Variants in AOPEP observed in about 807,000 individuals in gnomAD.
AOPEP encodes aminopeptidase O (putative), also known as aminopeptidase O.
A neutral mutation model predicts 98.1 loss-of-function variants in AOPEP; 77 were observed. The observed-to-expected ratio is 0.78, with a 90% CI of 0.65 to 0.95. The LOEUF (loss-of-function observed/expected upper bound fraction) is 0.95, where lower values mean the gene tolerates loss of function less well. Among genes scored for constraint, AOPEP ranks in the 40% least tolerant of loss-of-function variants. The pLI is 0.00. For missense variants in AOPEP, 1,024 were observed against 1,024.7 expected, an observed-to-expected ratio of 1.00 and a Z score of 0.01; for synonymous variants, 346 against 365.3, an observed-to-expected ratio of 0.95 and a Z score of 0.60.
chr9:94,737,526 AT>A (rs1832051655), intron 1 of AOPEP, among the ~76,000 whole-genome samples: 2 of 152,238 alleles, frequency 1.3e-5, no homozygotes, highest in Admixed American at 6.5e-5. Flanking sequence ...GATATATGGA[AT>A]GTTAAATTAT....
intron 13 of AOPEP, among the ~76,000 whole-genome samples, chr9:95,040,934 T>A (rs2065232358): frequency 6.6e-6 from 1 of 151,778 alleles, no homozygotes; most frequent in African/African-American, 2.4e-5. Context: ...TCCTCAAAGA[T>A]TGTACCTGGA....
intron 7 of AOPEP, among the ~76,000 whole-genome samples, chr9:94,937,053 C>T (rs776844354): frequency 6.6e-5 from 10 of 152,164 alleles, no homozygotes; most frequent in Non-Finnish European, 1.5e-4. Flanking sequence ...AGACATGATT[C>T]GTCAAACCAT....
intron 7 of AOPEP, among the ~76,000 whole-genome samples, chr9:94,936,361 T>A (rs988740417): frequency 6.6e-6 from 1 of 152,168 alleles, no homozygotes; most frequent in African/African-American, 2.4e-5. Flanking sequence ...AGACCCCTCC[T>A]GTGGTAGTCA....
chr9:95,017,156 G>A (rs1007147549), intron 13 of AOPEP, among the ~76,000 whole-genome samples: 1 of 151,996 alleles, frequency 6.6e-6, no homozygotes, highest in African/African-American at 2.4e-5. Context: ...GATCCTATTC[G>A]TATACAAGTG....
At chr9:95,035,118 C>T (rs1029560375) in intron 13 of AOPEP, among the ~76,000 whole-genome samples, 2 of 152,034 alleles carry the variant, frequency 1.3e-5, no homozygotes, top group Admixed American at 6.6e-5. Flanking sequence ...ATCCCTCCCC[C>T]TGTCCCCCAC....
chr9:94,739,314 A>G (rs185748735), intron 1 of AOPEP, among the ~76,000 whole-genome samples: 2 of 152,272 alleles, frequency 1.3e-5, no homozygotes, highest in Admixed American at 1.3e-4. Flanking sequence ...ATAAAGGGCA[A>G]TTTAAAGATT....
At position 95,078,554 on chromosome 9, in the gene AOPEP, G is replaced by A. The variant is rs142462421; in HGVS notation, c.2233-2140G>A. On this transcript the variant is annotated intron_variant, in intron 14 of 16. Coordinates refer to ENST00000375315, the MANE Select transcript of AOPEP (RefSeq NM_001193329.3). ...GGACCCTCCCTAAAAGCTGGCACAC[G>A]TAGGGTTTCTTTTGTGCAGTTAAGA... 1.2e-4 allele frequency among the ~76,000 whole-genome samples: 19 copies of A among 152,292 alleles called. No individual in the cohort carries two copies. The East Asian group carries it at 2.3e-3, about 19-fold the overall frequency.
At chr9:95,013,559 T>C (rs1311334255) in intron 13 of AOPEP, among the ~76,000 whole-genome samples, 1 of 152,202 alleles carries the variant, frequency 6.6e-6, no homozygotes, top group Non-Finnish European at 1.5e-5. Flanking sequence ...CTGTACCCTT[T>C]ATAAAATCAC....
intron 1 of AOPEP, among the ~76,000 whole-genome samples, chr9:94,743,244 G>GGAAGAAGAAGAGGAA (rs1490259253): frequency 2.1e-5 from 2 of 95,742 alleles, no homozygotes; most frequent in East Asian, 6.7e-4. Flanking sequence ...AAGAAGAAGA[G>GGAAGAAGAAGAGGAA]GAAGAAGAGG....
At chr9:95,009,133 G>C (rs1426821466) in intron 13 of AOPEP, among the ~76,000 whole-genome samples, 1 of 152,208 alleles carries the variant, frequency 6.6e-6, no homozygotes, top group East Asian at 1.9e-4. Context: ...GATTGCAACA[G>C]TGGATTTTAT....
intron 4 of AOPEP, among the ~76,000 whole-genome samples, chr9:94,796,755 C>A (rs1328806914): frequency 6.6e-6 from 1 of 152,212 alleles, no homozygotes; most frequent in Non-Finnish European, 1.5e-5. Context: ...TCTGGGTGAG[C>A]ATTTTAGTAA....
At chr9:95,106,635 A>G in the AOPEP span, among the ~76,000 whole-genome samples, 1 of 152,208 alleles carries the variant, frequency 6.6e-6, no homozygotes, top group Non-Finnish European at 1.5e-5. Flanking sequence ...GTAATAAACC[A>G]ATTTTTTTAA....
intron 5 of AOPEP, among the ~76,000 whole-genome samples, chr9:94,829,366 A>G (rs996746512): frequency 2.0e-5 from 3 of 152,198 alleles, no homozygotes; most frequent in African/African-American, 7.2e-5. Flanking sequence ...TAAAAGTTTG[A>G]GATCCAAAGA....
At chr9:94,950,460 G>A (rs78481942) in intron 7 of AOPEP, among the ~76,000 whole-genome samples, 4,334 of 152,170 alleles carry the variant, frequency 0.028, 224 homozygotes, top group African/African-American at 0.099. Flanking sequence ...GAGAGACTTG[G>A]GTCCAAGCCC....
rs1434585057 is a variant in AOPEP, at chr9:94,967,387, T to C, written c.1873-371T>C. 2.0e-5 allele frequency among the ~76,000 whole-genome samples: 3 copies of C among 151,986 alleles called. No homozygotes were observed. In the East Asian group the frequency reaches 5.8e-4, roughly 29 times the overall value. On this transcript the variant is annotated intron_variant, in intron 9 of 16. Transcript: ENST00000375315. ...GCAGTTAGTTCCTAGACTCTAGGAGTACAGGAATCTCTAGGGAAGGTTCAG... is the reference window on the plus strand; with the variant it reads ...GCAGTTAGTTCCTAGACTCTAGGAGCACAGGAATCTCTAGGGAAGGTTCAG...
chr9:94,830,369 A>G (rs150450108), intron 5 of AOPEP, among the ~76,000 whole-genome samples: 3 of 152,138 alleles, frequency 2.0e-5, no homozygotes, highest in Admixed American at 2.0e-4. Flanking sequence ...AAAGGACATG[A>G]TCTTGTTTAT....
intron 5 of AOPEP, among the ~76,000 whole-genome samples, chr9:94,906,823 A>AG (rs1169832635): frequency 6.6e-6 from 1 of 152,212 alleles, no homozygotes; most frequent in Non-Finnish European, 1.5e-5. Flanking sequence ...ATATTTGCTG[A>AG]ATCAATGAAT....
At chr9:94,775,088 A>G (rs970195055) in intron 3 of AOPEP, among the ~76,000 whole-genome samples, 1 of 152,100 alleles carries the variant, frequency 6.6e-6, no homozygotes, top group East Asian at 1.9e-4. Flanking sequence ...AGCTTTTGGT[A>G]TATCTTTTAA....
intron 1 of AOPEP, among the ~76,000 whole-genome samples, chr9:94,728,852 A>G (rs969881503): frequency 2.6e-5 from 4 of 152,210 alleles, no homozygotes; most frequent in African/African-American, 9.7e-5. Context: ...GGGATGAGGA[A>G]GAAATGTGTG....
Sources: allele counts gnomAD v4.1 joint callset (sites outside exome capture counted in the v4.1 genomes callset), GRCh38; gene constraint gnomAD v4.1.1; transcripts MANE v1.5; gene names NCBI Gene and HGNC (gene_info 2026-07-23, HGNC 2026-07-21).